Variants in TTF1 observed in about 807,000 individuals in gnomAD.
TTF1 encodes the protein transcription termination factor 1.
TTF1 carries 64 observed loss-of-function variants against 80.2 expected under a neutral mutation model. That is an observed-to-expected ratio of 0.80 (90% CI 0.65 to 0.98). The LOEUF (loss-of-function observed/expected upper bound fraction) is 0.98. TTF1 is among the 50% of genes least tolerant of loss of function. The pLI, the probability that TTF1 is intolerant of heterozygous loss-of-function variation, is 0.00. For synonymous variants in TTF1, 372 were observed against 382.7 expected, an observed-to-expected ratio of 0.97 and a Z score of 0.33; for missense variants, 1,023 against 1,086.2, an observed-to-expected ratio of 0.94 and a Z score of 0.82.
intron 5 of TTF1, among the ~76,000 whole-genome samples, chr9:132,393,279 C>T (rs1280436492): frequency 6.6e-6 from 1 of 151,442 alleles, no homozygotes; most frequent in Non-Finnish European, 1.5e-5. Flanking sequence ...GCCCCCCCCG[C>T]AAACTGGCCA....
chr9:132,404,327 A>T (rs1181596646), intron 1 of TTF1, among the ~76,000 whole-genome samples: 3 of 152,144 alleles, frequency 2.0e-5, no homozygotes, highest in African/African-American at 7.2e-5. Context: ...TATCAGCTGT[A>T]TTAGACAAGG....
intron 9 of TTF1, among the ~76,000 whole-genome samples, chr9:132,385,135 G>A (rs918662941): frequency 5.9e-5 from 9 of 152,106 alleles, no homozygotes; most frequent in African/African-American, 1.4e-4. Context: ...TTTAACCAGC[G>A]CTAAAGCACG....
At chr9:132,386,184 G>A (rs1264531335) in intron 9 of TTF1, among the ~76,000 whole-genome samples, 1 of 152,112 alleles carries the variant, frequency 6.6e-6, no homozygotes, top group Non-Finnish European at 1.5e-5. Flanking sequence ...ATAGGAGGGA[G>A]GTGGGTGGGC....
At chr9:132,380,031 C>T (rs1849340355) in intron 9 of TTF1, among the ~76,000 whole-genome samples, 2 of 151,904 alleles carry the variant, frequency 1.3e-5, no homozygotes, top group South Asian at 4.1e-4. Flanking sequence ...TAGCTGAGGA[C>T]GTATGTGCCA....
At chr9:132,405,934 C>T (rs1849857880) in intron 1 of TTF1, among the ~76,000 whole-genome samples, 1 of 152,204 alleles carries the variant, frequency 6.6e-6, no homozygotes, top group African/African-American at 2.4e-5. Context: ...GCCACTTTCT[C>T]AAGAGGACCT....
At chr9:132,404,987 G>A (rs1212141193) in intron 1 of TTF1, among the ~76,000 whole-genome samples, 2 of 151,522 alleles carry the variant, frequency 1.3e-5, no homozygotes, top group Non-Finnish European at 2.9e-5. Flanking sequence ...CCGGGTTCAC[G>A]CCATTCTCCT....
At chr9:132,390,887 A>G (rs1419039468) in intron 6 of TTF1, 56 bp from the exon 7 acceptor site, 3 of 1,483,858 alleles carry the variant, frequency 2.0e-6, no homozygotes, top group Admixed American at 2.0e-5. Flanking sequence ...TTCAAACACA[A>G]TATTAAAAAT....
intron 9 of TTF1, among the ~76,000 whole-genome samples, chr9:132,380,442 TCAGA>T (rs1849349372): frequency 1.3e-5 from 2 of 152,134 alleles, no homozygotes; most frequent in African/African-American, 4.8e-5. Flanking sequence ...AAACAAAGGC[TCAGA>T]CAAATAGGGA....
At chr9:132,396,856 C>T (rs974254010) in intron 4 of TTF1, among the ~76,000 whole-genome samples, 6 of 151,766 alleles carry the variant, frequency 4.0e-5, no homozygotes, top group African/African-American at 1.5e-4. Context: ...TTAGTAGGGA[C>T]GGGGTTTCAC....
intron 4 of TTF1, among the ~76,000 whole-genome samples, chr9:132,396,825 G>A (rs969674230): frequency 1.3e-5 from 2 of 151,828 alleles, no homozygotes; most frequent in African/African-American, 4.8e-5. Flanking sequence ...CCACCGCCAC[G>A]CCCAGCTGGT....
intron 9 of TTF1, among the ~76,000 whole-genome samples, chr9:132,383,151 G>A (rs1401640528): frequency 6.6e-6 from 1 of 151,578 alleles, no homozygotes; most frequent in Non-Finnish European, 1.5e-5. Flanking sequence ...AGGTGGCTGA[G>A]GCACAAGAAT....
chr9:132,391,804 C>T (rs1458333334), intron 6 of TTF1, among the ~76,000 whole-genome samples: 1 of 152,230 alleles, frequency 6.6e-6, no homozygotes, highest in African/African-American at 2.4e-5. Context: ...TCTCCCACCA[C>T]CAGTTTATTG....
At chr9:132,397,010 C>T (rs1589824725) in intron 4 of TTF1, among the ~76,000 whole-genome samples, 1 of 152,056 alleles carries the variant, frequency 6.6e-6, no homozygotes, top group South Asian at 2.1e-4. Context: ...GCTGGGATTA[C>T]AGGCATGAGC....
intron 7 of TTF1, 29 bp downstream of exon 7, chr9:132,390,568 G>C (rs1849541458): frequency 6.2e-7 from 1 of 1,602,670 alleles, no homozygotes; most frequent in East Asian, 2.2e-5. Flanking sequence ...AAGCTGGAGA[G>C]ACAGAGAAAG....
chr9:132,388,027 T>C lies in TTF1; in HGVS notation c.2312+112A>G, dbSNP rs1001795773. 2.4e-5 allele frequency: 18 copies of C among 738,938 alleles called. No homozygotes were observed. In the Admixed American group the frequency reaches 4.6e-4, roughly 19 times the overall value. 45.8% of individuals were successfully genotyped at this position (738,938 alleles called of 1,614,324 possible). A position where few individuals can be genotyped will look rare whatever the true frequency, so the allele number is the denominator to read the frequency against. On this transcript the variant is annotated intron_variant, in intron 8 of 10. Transcript: ENST00000334270. ...TGCCCACAATACATGCGGAAAGTGC[T>C]GGAACAGGGATTTGGACCTTGGCAA...
intron 9 of TTF1, among the ~76,000 whole-genome samples, chr9:132,381,786 G>A (rs569233373): frequency 4.6e-5 from 7 of 152,252 alleles, no homozygotes; most frequent in Admixed American, 3.9e-4. Flanking sequence ...TTTCTTGTTT[G>A]GTTATAATCC....
chr9:132,405,893 T>A (rs1849857221), intron 1 of TTF1, among the ~76,000 whole-genome samples: 1 of 152,226 alleles, frequency 6.6e-6, no homozygotes, highest in Non-Finnish European at 1.5e-5. Flanking sequence ...CCGCATTACC[T>A]TTCTGCCCTT....
At position 132,402,610 on chromosome 9, in the gene TTF1, C is replaced by G; in HGVS notation, c.212G>C (p.Arg71Thr). Residue 71 changes from arginine to threonine, a missense_variant, in exon 2 of 11, where the codon AGA (arginine) becomes ACA (threonine). By Grantham distance (71) the Arg-to-Thr change is moderately conservative. Transcript: ENST00000334270. ...HLISSPLKKSRICDETANATS... is the reference protein window; with the variant it reads ...HLISSPLKKSTICDETANATS... ...GGCATTTGCAGTCTCATCACAGATT[C>G]TGGATTTTTTCAAAGGAGAAGAAAT... is the stretch of plus-strand genomic sequence containing the variant. 1.2e-6 allele frequency: 2 copies of G among 1,613,362 alleles called. No homozygotes were observed. Among genetic ancestry groups the G allele is most frequent in the Non-Finnish European group, 1.7e-6 (2 of 1,179,854 alleles).
At chr9:132,377,654 T>TGTGTGTGAGTGCATGTG (rs148102891) in intron 10 of TTF1, among the ~76,000 whole-genome samples, 4,875 of 6,280 alleles carry the variant, frequency 0.78, 2,095 homozygotes, top group East Asian at 0.91. Flanking sequence ...ATGCATGTGG[T>TGTGTGTGAGTGCATGTG]GTGTGTGAGT....
Sources: allele counts gnomAD v4.1 joint callset (sites outside exome capture counted in the v4.1 genomes callset), GRCh38; gene constraint gnomAD v4.1.1; transcripts MANE v1.5; gene names NCBI Gene and HGNC (gene_info 2026-07-23, HGNC 2026-07-21).